CDH23: variants seen among roughly 807,000 people sequenced by gnomAD.
The protein encoded by CDH23 is cadherin-23.
CDH23 carries 189 observed loss-of-function variants against 317.1 expected under a neutral mutation model. The observed-to-expected ratio is 0.60, with a 90% CI of 0.53 to 0.67. The LOEUF (loss-of-function observed/expected upper bound fraction) is 0.67. Ranked by LOEUF, CDH23 falls within the 30% of genes least tolerant of loss-of-function variation. CDH23 has a pLI of 0.00. For synonymous variants in CDH23, 1,839 were observed against 1,876.8 expected, an observed-to-expected ratio of 0.98 and a Z score of 0.52; for missense variants, 4,401 against 4,592.4, an observed-to-expected ratio of 0.96 and a Z score of 1.20.
chr10:71,403,416 C>CTTTCTTTCTTTCT (rs1564558263), intron 1 of CDH23, among the ~76,000 whole-genome samples: 1 of 52,700 alleles, frequency 1.9e-5, no homozygotes, highest in Non-Finnish European at 3.1e-5. Flanking sequence ...TCTCTTCCTT[C>CTTTCTTTCTTTCT]CTTCCTTCCT....
At chr10:71,810,190 T>C in intron 61 of CDH23, 114 bp downstream of exon 61, 11 of 1,275,238 alleles carry the variant, frequency 8.6e-6, no homozygotes, top group Non-Finnish European at 1.2e-5. Flanking sequence ...GGCAGTATAG[T>C]CCCTACTTAG....
chr10:71,809,146 GGTTTT>G (rs1389874886), intron 60 of CDH23, among the ~76,000 whole-genome samples: 2 of 143,612 alleles, frequency 1.4e-5, no homozygotes, highest in Non-Finnish European at 3.0e-5. Context: ...CTCTTCTATG[GGTTTT>G]GTTGTTTTCT....
intron 9 of CDH23, among the ~76,000 whole-genome samples, chr10:71,582,532 G>A (rs182091417): frequency 6.5e-4 from 99 of 152,246 alleles, no homozygotes; most frequent in Admixed American, 2.1e-3. Context: ...TATTTCTGTT[G>A]GTGGCTGTGT....
At chr10:71,539,419 C>G (rs1480188927) in intron 6 of CDH23, among the ~76,000 whole-genome samples, 2 of 152,104 alleles carry the variant, frequency 1.3e-5, no homozygotes, top group African/African-American at 4.8e-5. Flanking sequence ...TGTGCAGGGC[C>G]AGGGGAGGAC....
chr10:71,685,622 T>C (rs1385154475), intron 18 of CDH23, among the ~76,000 whole-genome samples: 1 of 152,178 alleles, frequency 6.6e-6, no homozygotes, highest in Non-Finnish European at 1.5e-5. Flanking sequence ...AGAGGCCCCA[T>C]TTTCAAATTC....
At chr10:71,772,521 C>T (rs1197470716) in intron 38 of CDH23, among the ~76,000 whole-genome samples, 1 of 152,246 alleles carries the variant, frequency 6.6e-6, no homozygotes, top group African/African-American at 2.4e-5. Context: ...CCGGGAGCCC[C>T]TGTGTTGGGG....
intron 41 of CDH23, among the ~76,000 whole-genome samples, chr10:71,783,859 T>A (rs1389116558): frequency 6.6e-6 from 1 of 152,230 alleles, no homozygotes; most frequent in Non-Finnish European, 1.5e-5. Context: ...TATCCTTTTT[T>A]ACAAGCCATG....
rs1377903823 is a variant in CDH23 at position 71,490,594 on chromosome 10, T to C, written c.146-19488T>C. On this transcript the variant is annotated intron_variant, in intron 3 of 69. Transcript: ENST00000224721. ...TAACTTTCCAAAGCTGAACAGTAGT[T>C]GATAGCTGAGCCAGGGCTACACGAA... is the stretch of plus-strand genomic sequence containing the variant. Among the ~76,000 whole-genome samples, 3 of 152,284 alleles carry C rather than the reference T, an allele frequency of 2.0e-5. No homozygotes were observed. In the South Asian group the frequency reaches 6.2e-4, roughly 32 times the overall value.
At chr10:71,686,967 G>C (rs1864928606) in intron 18 of CDH23, among the ~76,000 whole-genome samples, 1 of 152,336 alleles carries the variant, frequency 6.6e-6, no homozygotes, top group African/African-American at 2.4e-5. Flanking sequence ...ACCCTGCCAG[G>C]CTCAGCCCCT....
At position 71,583,261 on chromosome 10, in the gene CDH23, T is replaced by C. The variant is rs949100571; in HGVS notation, c.832+5269T>C. 1.7e-4 allele frequency among the ~76,000 whole-genome samples: 24 copies of C among 145,398 alleles called. 1 individual carries two copies. The highest frequency in any genetic ancestry group is 5.6e-4 in the African/African-American group (22 of 39,058). ...AGGGGAGGCGGGGTGGGGGCGGGGG[T>C]CCGGTGCTGAGGCCGCAGAGGGAGG... On this transcript the variant is annotated intron_variant, in intron 9 of 69. Transcript: ENST00000224721.
At chr10:71,455,138 G>A (rs1262712595) in intron 3 of CDH23, among the ~76,000 whole-genome samples, 2 of 152,022 alleles carry the variant, frequency 1.3e-5, no homozygotes, top group Non-Finnish European at 2.9e-5. Context: ...CACTGCACCT[G>A]GCCCCTTATT....
In CDH23 at chr10:71,793,585, C is replaced by A; in HGVS notation, c.6657C>A (p.Asp2219Glu). The A allele has an allele frequency of 6.2e-7, 1 of 1,609,824 alleles. No individual in the cohort carries two copies. The highest frequency in any genetic ancestry group is 8.5e-7 in the Non-Finnish European group (1 of 1,176,896). Reference protein sequence around the residue: ...YHIVGIVAKDDTDRLVPNQED... With the variant: ...YHIVGIVAKDETDRLVPNQED... ...TTGTCGGCATTGTGGCCAAGGACGA[C>A]ACTGATCGCCTGGTGCCCAACCAGG... The change falls in exon 48 of 70, where the codon GAC becomes GAA. Residue 2219 changes from aspartate (D) to glutamate (E), a missense_variant. Asp to Glu is a conservative substitution (Grantham distance 45). Around this residue, in one of 3 missense-constraint regions of CDH23, gnomAD observed 3,068 missense variants for 3,203.3 expected, o/e 0.96. Transcript: ENST00000224721.
chr10:71,600,088 C>T lies in CDH23; in HGVS notation c.833-15416C>T, dbSNP rs191721135. On this transcript the variant is annotated intron_variant, in intron 9 of 69. Transcript: ENST00000224721. ...TGCGATCTCGGCTTACTGCAACCTCCGCCTCCCAGGTTCAAGCAAATCTCC... is the reference window on the plus strand; with the variant it reads ...TGCGATCTCGGCTTACTGCAACCTCTGCCTCCCAGGTTCAAGCAAATCTCC... Among the ~76,000 whole-genome samples, 78 of 150,238 alleles carry T rather than the reference C, an allele frequency of 5.2e-4. 1 individual carries two copies. The highest frequency in any genetic ancestry group is 3.4e-3 in the Middle Eastern group (1 of 292).
intron 6 of CDH23, among the ~76,000 whole-genome samples, chr10:71,549,088 A>G (rs1856442883): frequency 6.6e-6 from 1 of 152,192 alleles, no homozygotes; most frequent in African/African-American, 2.4e-5. Flanking sequence ...AGACACCCAA[A>G]TGTGGATATG....
At chr10:71,712,066 C>T (rs1488145487) in intron 27 of CDH23, 1 of 153,368 alleles carries the variant, frequency 6.5e-6, no homozygotes, top group African/African-American at 2.4e-5. Flanking sequence ...AGAATCAGTC[C>T]TTGACCGTCC....
At chr10:71,434,111 C>G (rs985579383) in intron 1 of CDH23, among the ~76,000 whole-genome samples, 3 of 152,030 alleles carry the variant, frequency 2.0e-5, no homozygotes, top group African/African-American at 7.2e-5. Flanking sequence ...TAGGCATGCT[C>G]TTGCCTCAGG....
intron 12 of CDH23, chr10:71,645,498 T>G (rs1450868636): frequency 6.4e-6 from 3 of 467,478 alleles, no homozygotes; most frequent in Non-Finnish European, 1.3e-5. Flanking sequence ...GTCTTGCAGC[T>G]GGCCGGTCCC....
chr10:71,732,635 A>C, intron 32 of CDH23: 1 of 1,395,024 alleles, frequency 7.2e-7, no homozygotes, highest in Admixed American at 3.0e-5. Context: ...CTTGTCTCTT[A>C]CAAAGAAACA....
chr10:71,764,220 A>G (rs1840471752), intron 38 of CDH23, among the ~76,000 whole-genome samples: 1 of 152,186 alleles, frequency 6.6e-6, no homozygotes, highest in Non-Finnish European at 1.5e-5. Flanking sequence ...AAGACACAGC[A>G]TGTGTTGTGC....
Sources: gnomAD v4.1 joint callset for allele counts (sites outside exome capture counted in the v4.1 genomes callset) on GRCh38, gnomAD v4.1.1 for gene constraint, gnomAD v4.1.1 regional missense constraint, MANE v1.5 for transcripts, NCBI Gene and HGNC (gene_info 2026-07-23, HGNC 2026-07-21) for gene names.